PRTFDC1: variants seen among roughly 807,000 people sequenced by gnomAD.
PRTFDC1 encodes the protein phosphoribosyltransferase domain-containing protein 1.
PRTFDC1 carries 38 observed loss-of-function variants against 34.6 expected under a neutral mutation model. The observed-to-expected ratio is 1.10, with a 90% CI of 0.85 to 1.44. The LOEUF is 1.44. Among genes scored for constraint, PRTFDC1 ranks in the 40% most tolerant of loss-of-function variants. The probability of loss-of-function intolerance (pLI) is 0.00; values close to 1 mark genes in which losing one functional copy is unlikely to be tolerated. For synonymous variants in PRTFDC1, 93 were observed against 98.1 expected, an observed-to-expected ratio of 0.95 and a Z score of 0.31; for missense variants, 270 against 283.0, an observed-to-expected ratio of 0.95 and a Z score of 0.33.
rs76091654 is a variant in PRTFDC1 at position 24,875,328 on chromosome 10, T to C, written c.340-3265A>G. 1.4e-3 allele frequency among the ~76,000 whole-genome samples: 208 copies of C among 152,350 alleles called. No individual in the cohort carries two copies. The East Asian group carries it at 0.014, about 11-fold the overall frequency. ...TTATTATTAATTGTAGTCTTTGTGC[T>C]GTGCAATAGAACACCAGAACTTATT... On this transcript the variant is annotated intron_variant, in intron 3 of 8. Coordinates refer to ENST00000320152, the MANE Select transcript of PRTFDC1 (RefSeq NM_020200.7).
In PRTFDC1 at chr10:24,858,383, C is replaced by T; in HGVS notation, c.423+9G>A. The T allele has an allele frequency of 3.1e-6, 5 of 1,612,634 alleles. No individual in the cohort carries two copies. Among genetic ancestry groups the T allele is most frequent in the Non-Finnish European group, 4.2e-6 (5 of 1,178,794 alleles). On this transcript the variant is annotated intron_variant, in intron 5 of 8. Coordinates refer to ENST00000320152, the MANE Select transcript of PRTFDC1 (RefSeq NM_020200.7). ...ACCTCCAAGTATGGAAAAGGAAATGCCAGCTTACCTCAACAATGAGAACAT... is the reference window on the plus strand; with the variant it reads ...ACCTCCAAGTATGGAAAAGGAAATGTCAGCTTACCTCAACAATGAGAACAT...
chr10:24,856,855 TC>T, intron 6 of PRTFDC1, 57 bp downstream of exon 6: 2 of 1,407,620 alleles, frequency 1.4e-6, no homozygotes, highest in Non-Finnish European at 2.0e-6. Flanking sequence ...TGTGTTAGCA[TC>T]CCTTTTGGGC....
At chr10:24,918,901 T>C (rs1848738251) in intron 3 of PRTFDC1, among the ~76,000 whole-genome samples, 1 of 152,184 alleles carries the variant, frequency 6.6e-6, no homozygotes, top group Non-Finnish European at 1.5e-5. Context: ...GGAAGCAGTG[T>C]GGAAAGACTG....
intron 8 of PRTFDC1, among the ~76,000 whole-genome samples, chr10:24,850,496 G>A (rs1847466499): frequency 6.6e-6 from 1 of 152,148 alleles, no homozygotes; most frequent in Admixed American, 6.5e-5. Context: ...GCTAGGCATA[G>A]TGGCGTGTGC....
chr10:24,871,355 C>T (rs866393880), intron 4 of PRTFDC1, among the ~76,000 whole-genome samples: 6 of 152,132 alleles, frequency 3.9e-5, no homozygotes, highest in East Asian at 1.9e-4. Context: ...TAACATTCCA[C>T]GAACATCATC....
At position 24,849,811 on chromosome 10, in the gene PRTFDC1, T is replaced by A. The variant is rs1157447967; in HGVS notation, c.*33A>T. ...CCAAGTACAGGCGTAAATATGATGC[T>A]ATCTGGGACTTTAGTGGTGAGAATT... On this transcript the variant is annotated 3_prime_UTR_variant, in exon 9 of 9. Coordinates refer to ENST00000320152, the MANE Select transcript of PRTFDC1 (RefSeq NM_020200.7). 2.5e-6 allele frequency: 4 copies of A among 1,608,274 alleles called. No homozygotes were observed. Among genetic ancestry groups the A allele is most frequent in the Non-Finnish European group, 3.4e-6 (4 of 1,174,822 alleles).
At chr10:24,883,126 T>C (rs932383480) in intron 3 of PRTFDC1, among the ~76,000 whole-genome samples, 1 of 148,258 alleles carries the variant, frequency 6.7e-6, no homozygotes, top group Non-Finnish European at 1.5e-5. Flanking sequence ...TTATAAATAA[T>C]ATAATATAAC....
At chr10:24,935,544 T>C (rs142704496) in intron 3 of PRTFDC1, among the ~76,000 whole-genome samples, 67 of 152,254 alleles carry the variant, frequency 4.4e-4, no homozygotes, top group African/African-American at 1.5e-3. Context: ...GGAAGACAGA[T>C]TGGTGGCCCT....
At chr10:24,939,071 T>C (rs908176685) in intron 2 of PRTFDC1, among the ~76,000 whole-genome samples, 1 of 151,844 alleles carries the variant, frequency 6.6e-6, no homozygotes, top group Non-Finnish European at 1.5e-5. Flanking sequence ...CACAGTGAGG[T>C]GGGCAGATCT....
At chr10:24,862,359 G>C (rs889340703) in intron 4 of PRTFDC1, among the ~76,000 whole-genome samples, 1 of 150,472 alleles carries the variant, frequency 6.6e-6, no homozygotes, top group African/African-American at 2.5e-5. Context: ...TGCAGTATAG[G>C]CATACCTTGT....
At chr10:24,920,277 G>A (rs756467999) in intron 3 of PRTFDC1, among the ~76,000 whole-genome samples, 32 of 151,304 alleles carry the variant, frequency 2.1e-4, no homozygotes, top group Admixed American at 3.9e-4. Context: ...ATATATATGT[G>A]TATATATATA....
intron 3 of PRTFDC1, among the ~76,000 whole-genome samples, chr10:24,880,950 CCTT>C (rs750528923): frequency 6.0e-5 from 9 of 149,758 alleles, no homozygotes; most frequent in African/African-American, 2.0e-4. Flanking sequence ...TTCTTTCCTT[CCTT>C]CTTCTTTCTT....
At chr10:24,880,798 C>T (rs964656637) in intron 3 of PRTFDC1, among the ~76,000 whole-genome samples, 2 of 149,864 alleles carry the variant, frequency 1.3e-5, no homozygotes, top group African/African-American at 4.9e-5. Context: ...TCCATCATTC[C>T]ACTTTACTGT....
intron 3 of PRTFDC1, among the ~76,000 whole-genome samples, chr10:24,899,907 G>C (rs570605894): frequency 1.3e-5 from 2 of 152,296 alleles, no homozygotes; most frequent in African/African-American, 4.8e-5. Context: ...ATGGGTATCT[G>C]TGGACTCTCA....
At chr10:24,877,865 C>T (rs951142125) in intron 3 of PRTFDC1, among the ~76,000 whole-genome samples, 2 of 152,136 alleles carry the variant, frequency 1.3e-5, no homozygotes, top group African/African-American at 4.8e-5. Context: ...AAGCAGTCTG[C>T]CTGCCTCAGC....
chr10:24,937,757 C>T (rs1368845076), intron 2 of PRTFDC1, among the ~76,000 whole-genome samples: 19 of 151,730 alleles, frequency 1.3e-4, no homozygotes, highest in Non-Finnish European at 2.2e-4. Context: ...GAGGTTTTGC[C>T]ATGTTGGCCA....
chr10:24,872,411 C>T (rs1350723671), intron 3 of PRTFDC1, among the ~76,000 whole-genome samples: 1 of 152,082 alleles, frequency 6.6e-6, no homozygotes, highest in Admixed American at 6.6e-5. Flanking sequence ...TGTGTTTTGC[C>T]TAGCTGGGGG....
chr10:24,908,124 G>C (rs1848564505), intron 3 of PRTFDC1, among the ~76,000 whole-genome samples: 1 of 131,460 alleles, frequency 7.6e-6, no homozygotes, highest in African/African-American at 2.8e-5. Context: ...GCCTTTTATA[G>C]TAAGTTTCAC....
intron 4 of PRTFDC1, among the ~76,000 whole-genome samples, chr10:24,859,547 C>T (rs1847641302): frequency 6.6e-6 from 1 of 152,184 alleles, no homozygotes; most frequent in Non-Finnish European, 1.5e-5. Context: ...CACCCAGCCA[C>T]CTTCTGTCAC....
Sources: gnomAD v4.1 joint callset for allele counts (sites outside exome capture counted in the v4.1 genomes callset) on GRCh38, gnomAD v4.1.1 for gene constraint, MANE v1.5 for transcripts, NCBI Gene and HGNC (gene_info 2026-07-23, HGNC 2026-07-21) for gene names.